Variants in IL11 observed in about 807,000 individuals in gnomAD.
The protein encoded by IL11 is interleukin 11.
In IL11, 17 loss-of-function variants were observed where a neutral mutation model predicts 18.1. That is an observed-to-expected ratio of 0.94 (90% CI 0.64 to 1.41). The LOEUF (loss-of-function observed/expected upper bound fraction) is 1.41. IL11 is among the 40% of genes most tolerant of loss of function. The probability of loss-of-function intolerance (pLI) is 0.00; values close to 1 mark genes in which losing one functional copy is unlikely to be tolerated. For missense variants in IL11, 309 were observed against 262.8 expected, an observed-to-expected ratio of 1.18 and a Z score of -1.22; for synonymous variants, 144 against 134.1, an observed-to-expected ratio of 1.07 and a Z score of -0.51.
rs1193814953 is a variant in IL11 at position 55,368,828 on chromosome 19, T to A, written c.121A>T (p.Ser41Cys). The change falls in exon 2 of 5, where the codon AGC becomes TGC. Residue 41 changes from serine to cysteine, a missense_variant. Physicochemically the swap from Ser to Cys is moderately radical, Grantham distance 112. Transcript: ENST00000264563. ...VSPDPRAELD[S>C]TVLLTRSLLA... ...AGAGAGCGGGTCAGGAGCACGGTGC[T>A]GTCCAGCTCGGCCCGAGGGTCTGGG... The A allele has an allele frequency of 1.9e-6, 3 of 1,592,378 alleles. No homozygotes were observed. Among genetic ancestry groups the A allele is most frequent in the Non-Finnish European group, 2.6e-6 (3 of 1,170,182 alleles).
At chr19:55,367,453 T>TG (rs1182335842) in intron 4 of IL11, among the ~76,000 whole-genome samples, 1 of 135,418 alleles carries the variant, frequency 7.4e-6, no homozygotes, top group Admixed American at 7.4e-5. Context: ...TTTCCTTCTT[T>TG]TTTTTTTTTT....
Position 55,365,871 on chromosome 19 carries a change from G to T in IL11, c.*136C>A. ...TAAATAAGGCACAGATGCCCCCCAG[G>T]CCTCACGGAAGGACTGTCTCTAACT... On this transcript the variant is annotated 3_prime_UTR_variant, in exon 5 of 5. Transcript: ENST00000264563. 1.5e-6 allele frequency: 2 copies of T among 1,363,026 alleles called. No individual in the cohort carries two copies. Among genetic ancestry groups the T allele is most frequent in the Non-Finnish European group, 2.0e-6 (2 of 993,864 alleles). 84.4% of individuals were successfully genotyped at this position (1,363,026 alleles called of 1,614,324 possible). A position where few individuals can be genotyped will look rare whatever the true frequency, so the allele number is the denominator to read the frequency against.
chr19:55,370,327 G>A lies in IL11; in HGVS notation c.-17C>T. 11 of 1,436,916 alleles carry A rather than the reference G, an allele frequency of 7.7e-6. No individual in the cohort carries two copies. Among genetic ancestry groups the A allele is most frequent in the Middle Eastern group, 1.8e-4 (1 of 5,424 alleles). The allele number at this position is 1,436,916 out of a possible 1,614,324, so 89.0% of individuals were successfully genotyped here. ...ACAGTTCATGTCCCCACAGGGCCAG[G>A]GGTTCCCCAGGGCAGGGGGCAGGGA... On this transcript the variant is annotated 5_prime_UTR_variant, in exon 1 of 5. Coordinates refer to ENST00000264563, the MANE Select transcript of IL11 (RefSeq NM_000641.4).
rs893973746 is a variant in IL11 at position 55,368,192 on chromosome 19, C to G, written c.429+18G>C. ...GGGGTGGGGGTCTGGGGTGTCAGGT[C>G]TTGGGGCCAGGACATACCAGGAGCT... On this transcript the variant is annotated intron_variant, in intron 4 of 4. Coordinates refer to ENST00000264563, the MANE Select transcript of IL11 (RefSeq NM_000641.4). 6.6e-7 allele frequency: 1 copy of G among 1,515,520 alleles called. No homozygotes were observed. The highest frequency in any genetic ancestry group is 2.0e-5 in the Admixed American group (1 of 49,512). The allele number at this position is 1,515,520 out of a possible 1,614,324, so 93.9% of individuals were successfully genotyped here.
chr19:55,369,216 C>A lies in IL11; in HGVS notation c.8-275G>T. 3.4e-6 allele frequency: 1 copy of A among 295,306 alleles called. No homozygotes were observed. Among genetic ancestry groups the A allele is most frequent in the Non-Finnish European group, 6.3e-6 (1 of 159,250 alleles). 18.3% of individuals were successfully genotyped at this position (295,306 alleles called of 1,614,324 possible). On this transcript the variant is annotated intron_variant, in intron 1 of 4. Transcript: ENST00000264563. This position sits in a 1 kb window ranked among gnomAD's most constrained non-coding sequence, Gnocchi z 6.1. ...CTTAAGTCCCAGGGTGGAACGCCCG[C>A]GGGCAGGTCGCAGGGCCAGGCGGGC...
intron 1 of IL11, 81 bp downstream of exon 1, chr19:55,370,223 G>C: frequency 9.3e-7 from 1 of 1,073,394 alleles, no homozygotes. Flanking sequence ...GCGACTCAGC[G>C]GGGTCTGCTC....
At position 55,366,159 on chromosome 19, in the gene IL11, G is replaced by T; in HGVS notation, c.448C>A (p.Pro150Thr). The change falls in exon 5 of 5, where the codon CCC becomes ACC. Residue 150 changes from proline to threonine, a missense_variant. Pro to Thr is a conservative substitution (Grantham distance 38). Coordinates refer to ENST00000264563, the MANE Select transcript of IL11 (RefSeq NM_000641.4). This position sits in a 1 kb window ranked among gnomAD's most constrained non-coding sequence, Gnocchi z 4.6. Reference protein sequence around the residue: ...LQLLMSRLALPQPPPDPPAPP... With the variant: ...LQLLMSRLALTQPPPDPPAPP... Reference sequence around the variant, plus strand: ...GCCGGCGGGTCCGGGGGTGGCTGGGGCAGGGCCAGGCGGGACATCTGTGGG... The same window carrying T: ...GCCGGCGGGTCCGGGGGTGGCTGGGTCAGGGCCAGGCGGGACATCTGTGGG... 6.7e-7 allele frequency: 1 copy of T among 1,495,478 alleles called. No homozygotes were observed. The highest frequency in any genetic ancestry group is 8.9e-7 in the Non-Finnish European group (1 of 1,117,682). The allele number at this position is 1,495,478 out of a possible 1,614,324, so 92.6% of individuals were successfully genotyped here.
rs1402509151 is a variant in IL11 at position 55,366,221 on chromosome 19, C to T, written c.430-44G>A. The T allele has an allele frequency of 1.9e-5, 28 of 1,437,018 alleles. No individual in the cohort carries two copies. The South Asian group carries it at 2.2e-4, about 11-fold the overall frequency. The allele number at this position is 1,437,018 out of a possible 1,614,324, so 89.0% of individuals were successfully genotyped here. ...GGTGAGTCACAGGTAGGGGGTGCAG[C>T]GGGGGTGCAGGGCAGGGGTGCTGTG... On this transcript the variant is annotated intron_variant, in intron 4 of 4. Coordinates refer to ENST00000264563, the MANE Select transcript of IL11 (RefSeq NM_000641.4). This position sits in a 1 kb window ranked among gnomAD's most constrained non-coding sequence, Gnocchi z 4.6.
rs980514763 is a variant in IL11 at position 55,367,450 on chromosome 19, C to CTTTT, written c.429+756_429+759dup. 3.5e-3 allele frequency among the ~76,000 whole-genome samples: 242 copies of CTTTT among 69,708 alleles called. 7 individuals carry two copies. Among genetic ancestry groups the CTTTT allele is most frequent in the East Asian group, 6.5e-3 (13 of 2,006 alleles). The allele number at this position is 69,708 out of a possible 152,430, so 45.7% of individuals were successfully genotyped here. ...GGAGGTCCATGGTTTTCTTTTCCTT[C>CTTTT]TTTTTTTTTTTTTTTTTTTTTTTGA... On this transcript the variant is annotated intron_variant, in intron 4 of 4. Transcript: ENST00000264563.
chr19:55,366,197 G>T lies in IL11; in HGVS notation c.430-20C>A. On this transcript the variant is annotated intron_variant, in intron 4 of 4. Coordinates refer to ENST00000264563, the MANE Select transcript of IL11 (RefSeq NM_000641.4). The surrounding 1 kb of genome is among the most constrained non-coding windows in gnomAD (Gnocchi z 4.6). ...GGACATCTGTGGGGAGAGGAGAGAG[G>T]TGAGTCACAGGTAGGGGGTGCAGCG... 1 of 1,469,278 alleles carries T rather than the reference G, an allele frequency of 6.8e-7. No individual in the cohort carries two copies. The highest frequency in any genetic ancestry group is 9.0e-7 in the Non-Finnish European group (1 of 1,111,144). The allele number at this position is 1,469,278 out of a possible 1,614,324, so 91.0% of individuals were successfully genotyped here.
At position 55,369,214 on chromosome 19, in the gene IL11, C is replaced by A; in HGVS notation, c.8-273G>T. The A allele has an allele frequency of 3.3e-6, 1 of 301,998 alleles. No homozygotes were observed. Among genetic ancestry groups the A allele is most frequent in the Non-Finnish European group, 6.1e-6 (1 of 163,532 alleles). 18.7% of individuals were successfully genotyped at this position (301,998 alleles called of 1,614,324 possible). A position where few individuals can be genotyped will look rare whatever the true frequency, so the allele number is the denominator to read the frequency against. ...GTCTTAAGTCCCAGGGTGGAACGCC[C>A]GCGGGCAGGTCGCAGGGCCAGGCGG... On this transcript the variant is annotated intron_variant, in intron 1 of 4. Transcript: ENST00000264563. This position sits in a 1 kb window ranked among gnomAD's most constrained non-coding sequence, Gnocchi z 6.1.
chr19:55,365,859 G>C lies in IL11; in HGVS notation c.*148C>G. On this transcript the variant is annotated 3_prime_UTR_variant, in exon 5 of 5. Coordinates refer to ENST00000264563, the MANE Select transcript of IL11 (RefSeq NM_000641.4). Reference sequence around the variant, plus strand: ...AATAAATAAGTATAAATAAGGCACAGATGCCCCCCAGGCCTCACGGAAGGA... The same window carrying C: ...AATAAATAAGTATAAATAAGGCACACATGCCCCCCAGGCCTCACGGAAGGA... 7.9e-7 allele frequency: 1 copy of C among 1,268,412 alleles called. No homozygotes were observed. Among genetic ancestry groups the C allele is most frequent in the Non-Finnish European group, 1.1e-6 (1 of 921,918 alleles). The allele number at this position is 1,268,412 out of a possible 1,614,324, so 78.6% of individuals were successfully genotyped here.
rs748346212 is a variant in IL11, at chr19:55,366,072, C to A, written c.535G>T (p.Gly179Trp). ...GGIRAAHAIL[G>W]GLHLTLDWAV... ...CAGTCAAGTGTCAGGTGCAGCCCCCCCAGGATGGCGTGGGCGGCCCTGATG... is the reference window on the plus strand; with the variant it reads ...CAGTCAAGTGTCAGGTGCAGCCCCCACAGGATGGCGTGGGCGGCCCTGATG... Residue 179 changes from glycine to tryptophan, a missense_variant, in exon 5 of 5, where the codon GGG becomes TGG. Physicochemically the swap from Gly to Trp is radical, Grantham distance 184. Transcript: ENST00000264563. The surrounding 1 kb of genome is among the most constrained non-coding windows in gnomAD (Gnocchi z 4.6). The A allele has an allele frequency of 1.3e-6, 2 of 1,597,882 alleles. No homozygotes were observed. Among genetic ancestry groups the A allele is most frequent in the Non-Finnish European group, 1.7e-6 (2 of 1,173,592 alleles).
chr19:55,368,168 G>A (rs1046407853), intron 4 of IL11, 42 bp downstream of exon 4: 1 of 1,480,858 alleles, frequency 6.8e-7, no homozygotes, highest in African/African-American at 1.4e-5. Flanking sequence ...TTGGGGCCAG[G>A]GGTGGGGGTC....
rs2065231310 is a variant in IL11 at position 55,369,605 on chromosome 19, G to A, written c.8-664C>T. ...ATGGGCCCGGCCGGGCCGCGGGAGC[G>A]GGAGAGCTGGCGGCGGGGGGCGCGG... On this transcript the variant is annotated intron_variant, in intron 1 of 4. Transcript: ENST00000264563. This position sits in a 1 kb window ranked among gnomAD's most constrained non-coding sequence, Gnocchi z 6.1. Among the ~76,000 whole-genome samples, 1 of 148,906 alleles carries A rather than the reference G, an allele frequency of 6.7e-6. No homozygotes were observed. The highest frequency in any genetic ancestry group is 1.5e-5 in the Non-Finnish European group (1 of 66,952).
chr19:55,370,326 G>T lies in IL11; in HGVS notation c.-16C>A. 6.9e-7 allele frequency: 1 copy of T among 1,439,608 alleles called. No homozygotes were observed. Among genetic ancestry groups the T allele is most frequent in the Non-Finnish European group, 9.2e-7 (1 of 1,085,452 alleles). 89.2% of individuals were successfully genotyped at this position (1,439,608 alleles called of 1,614,324 possible). A position where few individuals can be genotyped will look rare whatever the true frequency, so the allele number is the denominator to read the frequency against. ...TACAGTTCATGTCCCCACAGGGCCA[G>T]GGGTTCCCCAGGGCAGGGGGCAGGG... On this transcript the variant is annotated 5_prime_UTR_variant, in exon 1 of 5. It adds an upstream start codon to the 5' untranslated region. Coordinates refer to ENST00000264563, the MANE Select transcript of IL11 (RefSeq NM_000641.4).
chr19:55,368,945 G>C lies in IL11; in HGVS notation c.8-4C>G, dbSNP rs183174646. 840 of 1,501,990 alleles carry C rather than the reference G, an allele frequency of 5.6e-4. No homozygotes were observed. In the African/African-American group the frequency reaches 0.011, roughly 19 times the overall value. 93.0% of individuals were successfully genotyped at this position (1,501,990 alleles called of 1,614,324 possible). A position where few individuals can be genotyped will look rare whatever the true frequency, so the allele number is the denominator to read the frequency against. Reference sequence around the variant, plus strand: ...ACCAGGACCAGGCGGCAAACACCTGGGGGCAGGATAAGGCAGAGAGCTCAG... The same window carrying C: ...ACCAGGACCAGGCGGCAAACACCTGCGGGCAGGATAAGGCAGAGAGCTCAG... On this transcript the variant is annotated splice_polypyrimidine_tract_variant and splice_region_variant and intron_variant, in intron 1 of 4. Coordinates refer to ENST00000264563, the MANE Select transcript of IL11 (RefSeq NM_000641.4).
rs2123238877 is a variant in IL11 at position 55,366,169 on chromosome 19, G to A, written c.438C>T (p.Arg146=). 6.7e-7 allele frequency: 1 copy of A among 1,493,876 alleles called. No individual in the cohort carries two copies. Among genetic ancestry groups the A allele is most frequent in the East Asian group, 2.5e-5 (1 of 40,334 alleles). 92.5% of individuals were successfully genotyped at this position (1,493,876 alleles called of 1,614,324 possible). ...LLRRLQLLMS[R]LALPQPPPDP... is the part of the protein sequence containing the mutation. Reference sequence around the variant, plus strand: ...CCGGGGGTGGCTGGGGCAGGGCCAGGCGGGACATCTGTGGGGAGAGGAGAG... The same window carrying A: ...CCGGGGGTGGCTGGGGCAGGGCCAGACGGGACATCTGTGGGGAGAGGAGAG... The change falls in exon 5 of 5, where the codon CGC becomes CGT. Residue 146 remains arginine (R), a synonymous_variant. Coordinates refer to ENST00000264563, the MANE Select transcript of IL11 (RefSeq NM_000641.4). This position sits in a 1 kb window ranked among gnomAD's most constrained non-coding sequence, Gnocchi z 4.6.
chr19:55,367,893 G>T (rs932492613), intron 4 of IL11, among the ~76,000 whole-genome samples: 1 of 152,068 alleles, frequency 6.6e-6, no homozygotes, highest in African/African-American at 2.4e-5. Context: ...TGAGGTCATG[G>T]ATGATGGAGT....
Sources: allele counts gnomAD v4.1 joint callset (sites outside exome capture counted in the v4.1 genomes callset), GRCh38; gene constraint gnomAD v4.1.1; non-coding constraint Gnocchi (gnomAD v3.1); transcripts MANE v1.5; gene names NCBI Gene and HGNC (gene_info 2026-07-23, HGNC 2026-07-21).